Variants in GPR63 observed in about 807,000 individuals in gnomAD.
The protein encoded by GPR63 is G protein-coupled receptor 63.
In GPR63, 12 loss-of-function variants were observed where a neutral mutation model predicts 23.1. The observed-to-expected ratio is 0.52, with a 90% CI of 0.33 to 0.84. The LOEUF (loss-of-function observed/expected upper bound fraction) is 0.84. GPR63 is among the 40% of genes least tolerant of loss of function. The pLI, the probability that GPR63 is intolerant of heterozygous loss-of-function variation, is 0.02. For missense variants in GPR63, 472 were observed against 515.6 expected (o/e 0.92, Z 0.82); for synonymous variants, 172 against 191.1 (o/e 0.90, Z 0.82).
At chr6:96,813,036 ATT>A (rs1774081379) in intron 1 of GPR63, among the ~76,000 whole-genome samples, 1 of 152,056 alleles carries the variant, frequency 6.6e-6, no homozygotes, top group African/African-American at 2.4e-5. Flanking sequence ...GATATCTATC[ATT>A]CTATTCTCTA....
intron 1 of GPR63, among the ~76,000 whole-genome samples, chr6:96,814,672 G>C (rs922952521): frequency 3.9e-5 from 6 of 152,106 alleles, no homozygotes; most frequent in Non-Finnish European, 7.3e-5. Flanking sequence ...ATAGCAATTT[G>C]CAATGTTAAA....
intron 1 of GPR63, among the ~76,000 whole-genome samples, chr6:96,832,421 T>G (rs913939360): frequency 7.4e-6 from 1 of 135,666 alleles, no homozygotes; most frequent in Non-Finnish European, 1.5e-5. Context: ...CGTGCCACCA[T>G]ACCTGACTAA....
intron 1 of GPR63, among the ~76,000 whole-genome samples, chr6:96,826,145 G>A (rs775529206): frequency 1.3e-4 from 20 of 152,134 alleles, no homozygotes; most frequent in Non-Finnish European, 2.6e-4. Flanking sequence ...ACTTGCTTTT[G>A]AGAATATAAA....
chr6:96,820,684 A>C (rs1304917081), intron 1 of GPR63, among the ~76,000 whole-genome samples: 1 of 151,868 alleles, frequency 6.6e-6, no homozygotes, highest in Non-Finnish European at 1.5e-5. Context: ...TTTTTCATCC[A>C]GCTTTAGCAT....
chr6:96,804,477 A>G (rs1237180617), intron 1 of GPR63, among the ~76,000 whole-genome samples: 2 of 152,198 alleles, frequency 1.3e-5, no homozygotes, highest in Non-Finnish European at 2.9e-5. Flanking sequence ...ATATTTAGAT[A>G]ACTAAATTCA....
At chr6:96,811,878 AAATAAATAAATAAAAT>A (rs1774053803) in intron 1 of GPR63, among the ~76,000 whole-genome samples, 1 of 130,120 alleles carries the variant, frequency 7.7e-6, no homozygotes, top group Non-Finnish European at 1.7e-5. Context: ...ATAAATAAAT[AAATAAATAAATAAAAT>A]AAAAGGCAAT....
At chr6:96,819,633 T>C (rs763816896) in intron 1 of GPR63, among the ~76,000 whole-genome samples, 8 of 150,928 alleles carry the variant, frequency 5.3e-5, no homozygotes, top group African/African-American at 1.5e-4. Context: ...TGTATATCCA[T>C]GTAATAAACC....
chr6:96,831,095 C>T (rs1206487810), intron 1 of GPR63, among the ~76,000 whole-genome samples: 1 of 152,144 alleles, frequency 6.6e-6, no homozygotes, highest in Non-Finnish European at 1.5e-5. Context: ...CAGCAAAGTG[C>T]AGAAAACAGA....
intron 1 of GPR63, among the ~76,000 whole-genome samples, chr6:96,822,708 A>T (rs1774343767): frequency 6.6e-6 from 1 of 152,204 alleles, no homozygotes; most frequent in Non-Finnish European, 1.5e-5. Flanking sequence ...AATGGGAAAC[A>T]AACTGGATAT....
chr6:96,813,130 C>T (rs1327035218), intron 1 of GPR63, among the ~76,000 whole-genome samples: 1 of 152,046 alleles, frequency 6.6e-6, no homozygotes, highest in East Asian at 1.9e-4. Flanking sequence ...ATTTAATTTA[C>T]CATAATGACC....
chr6:96,809,754 A>C (rs1444411745), intron 1 of GPR63, among the ~76,000 whole-genome samples: 1 of 152,198 alleles, frequency 6.6e-6, no homozygotes, highest in East Asian at 1.9e-4. Flanking sequence ...GTAGAGAAAA[A>C]ATATCTGGGT....
rs1054734948 is a variant in GPR63, at chr6:96,798,158, T to C, written c.*314A>G. 3.5e-5 allele frequency: 9 copies of C among 257,028 alleles called. No individual in the cohort carries two copies. The highest frequency in any genetic ancestry group is 1.5e-4 in the African/African-American group (7 of 45,196). The allele number at this position is 257,028 out of a possible 1,614,324, so 15.9% of individuals were successfully genotyped here. A position where few individuals can be genotyped will look rare whatever the true frequency, so the allele number is the denominator to read the frequency against. On this transcript the variant is annotated 3_prime_UTR_variant, in exon 2 of 2. Coordinates refer to ENST00000229955, the MANE Select transcript of GPR63 (RefSeq NM_030784.4). ...CGAAACACCTACAATTCAATGTAAC[T>C]GCAGGCTCAATAAAGCACAATCCTG...
At chr6:96,833,331 T>G (rs1278537122) in intron 1 of GPR63, among the ~76,000 whole-genome samples, 1 of 152,154 alleles carries the variant, frequency 6.6e-6, no homozygotes. Flanking sequence ...ACCAAATACA[T>G]GGGATAGATT....
chr6:96,804,097 G>A (rs549766365), intron 1 of GPR63, among the ~76,000 whole-genome samples: 79 of 152,188 alleles, frequency 5.2e-4, no homozygotes, highest in Non-Finnish European at 9.3e-4. Flanking sequence ...TGGGCTATCA[G>A]GTTAATGATA....
intron 1 of GPR63, among the ~76,000 whole-genome samples, chr6:96,826,635 A>G (rs916115932): frequency 1.3e-5 from 2 of 152,078 alleles, no homozygotes; most frequent in African/African-American, 2.4e-5. Flanking sequence ...TAGTGTCTTT[A>G]GTATAGTCAA....
chr6:96,810,940 CTA>C (rs1291523061), intron 1 of GPR63, among the ~76,000 whole-genome samples: 1 of 152,144 alleles, frequency 6.6e-6, no homozygotes, highest in Non-Finnish European at 1.5e-5. Flanking sequence ...AAGCTGCAAC[CTA>C]TCTTATTTGT....
At chr6:96,835,884 T>C (rs1774714269) in intron 1 of GPR63, among the ~76,000 whole-genome samples, 1 of 152,224 alleles carries the variant, frequency 6.6e-6, no homozygotes, top group Non-Finnish European at 1.5e-5. Flanking sequence ...CTTGGTAGTA[T>C]ACTTTTCACA....
chr6:96,834,919 G>A (rs973386841), intron 1 of GPR63, among the ~76,000 whole-genome samples: 1 of 152,144 alleles, frequency 6.6e-6, no homozygotes, highest in Admixed American at 6.5e-5. Context: ...TGCCTCTCAT[G>A]CCTTTGAGGT....
chr6:96,799,971 T>G, intron 1 of GPR63, 90 bp from the exon 2 acceptor site: 1 of 538,386 alleles, frequency 1.9e-6, no homozygotes, highest in Non-Finnish European at 3.4e-6. Context: ...TCATGAAGGA[T>G]CAGTTTTGCT....
Sources: gnomAD v4.1 joint callset for allele counts (sites outside exome capture counted in the v4.1 genomes callset) on GRCh38, gnomAD v4.1.1 for gene constraint, MANE v1.5 for transcripts, NCBI Gene and HGNC (gene_info 2026-07-23, HGNC 2026-07-21) for gene names.